Variants in NELL2 observed in about 807,000 individuals in gnomAD.
NELL2 encodes the protein protein kinase C-binding protein NELL2.
NELL2 carries 41 observed loss-of-function variants against 109.6 expected under a neutral mutation model. The observed-to-expected ratio is 0.37, with a 90% CI of 0.29 to 0.49. The LOEUF (loss-of-function observed/expected upper bound fraction) is 0.49. Among genes scored for constraint, NELL2 ranks in the 20% least tolerant of loss-of-function variants. The probability of loss-of-function intolerance (pLI) is 0.98; values close to 1 mark genes in which losing one functional copy is unlikely to be tolerated. For synonymous variants in NELL2, 355 were observed against 344.7 expected (o/e 1.03, Z -0.33); for missense variants, 900 against 1,008.3 (o/e 0.89, Z 1.45).
At chr12:44,801,725 C>T (rs1224844594) in intron 3 of NELL2, among the ~76,000 whole-genome samples, 2 of 152,094 alleles carry the variant, frequency 1.3e-5, no homozygotes, top group African/African-American at 2.4e-5. Flanking sequence ...ACAGGGTAGG[C>T]GCTGAAAGTG....
intron 12 of NELL2, among the ~76,000 whole-genome samples, chr12:44,670,012 A>T (rs926972927): frequency 6.6e-6 from 1 of 152,210 alleles, no homozygotes; most frequent in Non-Finnish European, 1.5e-5. Flanking sequence ...CACATATAAA[A>T]GAATCCCTAT....
chr12:44,533,805 A>T (rs1182053960), intron 15 of NELL2, among the ~76,000 whole-genome samples: 2 of 152,156 alleles, frequency 1.3e-5, no homozygotes, highest in East Asian at 3.8e-4. Flanking sequence ...TTTTGGCTTA[A>T]CTTAGACTCT....
intron 9 of NELL2, among the ~76,000 whole-genome samples, chr12:44,770,338 T>C (rs1481964940): frequency 2.6e-5 from 4 of 152,166 alleles, no homozygotes; most frequent in Non-Finnish European, 5.9e-5. Flanking sequence ...ATAAAGTAGA[T>C]ACAATTGTTA....
chr12:44,651,564 C>A (rs959905219), intron 13 of NELL2, among the ~76,000 whole-genome samples: 3 of 152,016 alleles, frequency 2.0e-5, no homozygotes. Flanking sequence ...GCAGATGATT[C>A]GACATTTATT....
intron 12 of NELL2, among the ~76,000 whole-genome samples, chr12:44,686,391 G>T (rs946130757): frequency 1.3e-5 from 2 of 152,048 alleles, no homozygotes; most frequent in African/African-American, 2.4e-5. Flanking sequence ...TAATTTGATC[G>T]TCTGAAGCCT....
At chr12:44,816,689 G>A (rs1943362702) in intron 2 of NELL2, among the ~76,000 whole-genome samples, 1 of 152,188 alleles carries the variant, frequency 6.6e-6, no homozygotes, top group Non-Finnish European at 1.5e-5. Context: ...TGCAGTGGAA[G>A]AGGCATTAAG....
intron 1 of NELL2, among the ~76,000 whole-genome samples, chr12:44,902,546 A>C (rs1250923391): frequency 2.6e-5 from 4 of 152,208 alleles, no homozygotes; most frequent in African/African-American, 9.7e-5. Context: ...GAATTAGAAA[A>C]AACTACTTTA....
In NELL2 at chr12:44,876,101, G is replaced by C; in HGVS notation, c.-232C>G. 7.5e-7 allele frequency: 1 copy of C among 1,337,236 alleles called. No homozygotes were observed. Among genetic ancestry groups the C allele is most frequent in the Non-Finnish European group, 9.6e-7 (1 of 1,045,050 alleles). The allele number at this position is 1,337,236 out of a possible 1,614,324, so 82.8% of individuals were successfully genotyped here. On this transcript the variant is annotated 5_prime_UTR_variant, in exon 1 of 20. Transcript: ENST00000429094. ...GCACATCATTCCCACACGCAGGGCC[G>C]AGGCGGCAGCGCGGCCCGGAGGGGG...
chr12:44,719,762 G>C (rs187250658), intron 9 of NELL2, among the ~76,000 whole-genome samples: 1 of 152,150 alleles, frequency 6.6e-6, no homozygotes, highest in East Asian at 1.9e-4. Flanking sequence ...CCCTTTGGGA[G>C]ACTTCTTAAA....
intron 9 of NELL2, among the ~76,000 whole-genome samples, chr12:44,741,235 C>T (rs1380555540): frequency 1.3e-5 from 2 of 152,116 alleles, no homozygotes; most frequent in East Asian, 3.9e-4. Context: ...ATAACATTTT[C>T]TTTTCTTTAG....
intron 9 of NELL2, among the ~76,000 whole-genome samples, chr12:44,723,286 G>A (rs1461927159): frequency 6.6e-6 from 1 of 152,012 alleles, no homozygotes; most frequent in Non-Finnish European, 1.5e-5. Flanking sequence ...GAGCTGCCCA[G>A]GTAGAGCTAA....
upstream of NELL2, among the ~76,000 whole-genome samples, chr12:44,916,189 G>C (rs989411905): frequency 2.6e-5 from 4 of 152,128 alleles, no homozygotes; most frequent in African/African-American, 9.7e-5. Flanking sequence ...GCCAATGTTA[G>C]CCACATGAAA....
At chr12:44,753,510 TGG>T (rs537106621) in intron 9 of NELL2, among the ~76,000 whole-genome samples, 196 of 152,250 alleles carry the variant, frequency 1.3e-3, no homozygotes, top group African/African-American at 4.5e-3. Context: ...AAATATGGAA[TGG>T]GTAAGCTGCA....
At chr12:44,797,457 C>T (rs1451738140) in intron 3 of NELL2, among the ~76,000 whole-genome samples, 1 of 152,050 alleles carries the variant, frequency 6.6e-6, no homozygotes, top group Non-Finnish European at 1.5e-5. Context: ...ATAGATTCTA[C>T]AAAGTCCATT....
At chr12:44,679,281 T>G (rs1485280187) in intron 12 of NELL2, among the ~76,000 whole-genome samples, 1 of 152,054 alleles carries the variant, frequency 6.6e-6, no homozygotes, top group Non-Finnish European at 1.5e-5. Context: ...TTCTGTTTCA[T>G]TGGTAAGGAA....
At chr12:44,868,102 AC>A (rs1377186544) in intron 2 of NELL2, among the ~76,000 whole-genome samples, 10 of 146,106 alleles carry the variant, frequency 6.8e-5, no homozygotes, top group African/African-American at 2.6e-4. Flanking sequence ...CCTAGGTGAA[AC>A]AGTGAGGCTC....
intron 9 of NELL2, among the ~76,000 whole-genome samples, chr12:44,768,588 G>A (rs7955299): frequency 0.22 from 34,151 of 151,886 alleles, 4,060 homozygotes; most frequent in South Asian, 0.28. Context: ...AGAAAAGACC[G>A]TCCAGACCAA....
Position 44,875,992 on chromosome 12 carries a change from T to C in NELL2, c.-123A>G. On this transcript the variant is annotated 5_prime_UTR_variant, in exon 1 of 20. Coordinates refer to ENST00000429094, the MANE Select transcript of NELL2 (RefSeq NM_001145108.2). ...CCTGCTGCTGCCTCGGATTTACTGA[T>C]CAGTAGGATTAATACGCTTTGGTTG... 6.4e-7 allele frequency: 1 copy of C among 1,554,138 alleles called. No homozygotes were observed. Among genetic ancestry groups the C allele is most frequent in the Non-Finnish European group, 8.6e-7 (1 of 1,157,250 alleles).
chr12:44,905,967 A>G (rs1410493899), intron 1 of NELL2, among the ~76,000 whole-genome samples: 1 of 152,156 alleles, frequency 6.6e-6, no homozygotes, highest in African/African-American at 2.4e-5. Flanking sequence ...CCTATAATTA[A>G]TTAATTACAT....
Sources: gnomAD v4.1 joint callset for allele counts (sites outside exome capture counted in the v4.1 genomes callset) on GRCh38, gnomAD v4.1.1 for gene constraint, MANE v1.5 for transcripts, NCBI Gene and HGNC (gene_info 2026-07-23, HGNC 2026-07-21) for gene names.